The following ARHGAP6 variants were observed in gnomAD, a reference collection of about 807,000 sequenced individuals.
The protein encoded by ARHGAP6 is rho GTPase-activating protein 6.
A neutral mutation model predicts 55.7 loss-of-function variants in ARHGAP6; 16 were observed. The observed-to-expected ratio is 0.29, with a 90% CI of 0.19 to 0.44. ARHGAP6 has a LOEUF of 0.44. Among genes scored for constraint, ARHGAP6 ranks in the 20% least tolerant of loss-of-function variants. ARHGAP6 has a pLI of 1.00. For missense variants in ARHGAP6, 698 were observed against 808.9 expected (o/e 0.86, Z 1.66); for synonymous variants, 382 against 360.9 (o/e 1.06, Z -0.66).
chrX:11,281,535 G>C (rs1035893134), intron 1 of ARHGAP6, among the ~76,000 whole-genome samples: 2 of 111,053 alleles, frequency 1.8e-5, no homozygotes, highest in Non-Finnish European at 3.8e-5. Flanking sequence ...AAACTACGGG[G>C]TATCTATTCA....
At chrX:11,247,653 G>A (rs2147471980) in intron 2 of ARHGAP6, among the ~76,000 whole-genome samples, 1 of 112,185 alleles carries the variant, frequency 8.9e-6, no homozygotes, top group South Asian at 3.7e-4. Context: ...CCATGGTTCA[G>A]TTGCTAACCC....
At chrX:11,604,420 A>G (rs2052011155) in intron 1 of ARHGAP6, among the ~76,000 whole-genome samples, 1 of 111,976 alleles carries the variant, frequency 8.9e-6, no homozygotes, top group South Asian at 3.7e-4. Flanking sequence ...AAACTGCCAC[A>G]TAGTGGCTCA....
At chrX:11,604,061 T>C (rs899637054) in intron 1 of ARHGAP6, among the ~76,000 whole-genome samples, 15 of 111,452 alleles carry the variant, frequency 1.3e-4, no homozygotes, top group Non-Finnish European at 1.9e-5. Flanking sequence ...CATGCTCTAA[T>C]CACAGCAACA....
intron 10 of ARHGAP6, among the ~76,000 whole-genome samples, chrX:11,150,010 T>A (rs1361645606): frequency 8.9e-6 from 1 of 112,042 alleles, no homozygotes; most frequent in African/African-American, 3.2e-5. Context: ...TTAACCACAA[T>A]GAAATTTAAA....
intron 1 of ARHGAP6, among the ~76,000 whole-genome samples, chrX:11,383,254 C>A (rs2049284205): frequency 9.0e-6 from 1 of 111,618 alleles, no homozygotes. Flanking sequence ...GGAGAAAAAT[C>A]TGGAAACTCT....
intron 10 of ARHGAP6, chrX:11,148,762 C>A (rs770775910): frequency 1.1e-5 from 4 of 358,483 alleles, no homozygotes; most frequent in Non-Finnish European, 2.2e-5. Flanking sequence ...CCGGATGGGG[C>A]CCGCCCAGCA....
At chrX:11,291,471 AAGGCTACT>A (rs2047989816) in intron 1 of ARHGAP6, among the ~76,000 whole-genome samples, 1 of 111,517 alleles carries the variant, frequency 9.0e-6, no homozygotes, top group African/African-American at 3.3e-5. Flanking sequence ...CTAAAACTAC[AAGGCTACT>A]AGTAATTCAT....
intron 1 of ARHGAP6, among the ~76,000 whole-genome samples, chrX:11,472,094 C>G (rs1371028917): frequency 1.8e-5 from 2 of 111,503 alleles, no homozygotes; most frequent in African/African-American, 3.3e-5. Context: ...ACAAAAGCAA[C>G]AAATAAATAG....
chrX:11,286,394 C>T (rs1221456377), intron 1 of ARHGAP6, among the ~76,000 whole-genome samples: 1 of 111,236 alleles, frequency 9.0e-6, no homozygotes, highest in African/African-American at 3.3e-5. Flanking sequence ...GTGCCTCTTG[C>T]CCCTAGTCAT....
chrX:11,610,466 AATGGCAGAGCCCTGG>A, intron 1 of ARHGAP6, among the ~76,000 whole-genome samples: 1 of 111,539 alleles, frequency 9.0e-6, no homozygotes, highest in South Asian at 3.8e-4. Flanking sequence ...TCACACAGCC[AATGGCAGAGCCCTGG>A]ATTGTTATAT....
At chrX:11,654,090 G>A (rs1208611785) in intron 1 of ARHGAP6, among the ~76,000 whole-genome samples, 1 of 111,620 alleles carries the variant, frequency 9.0e-6, no homozygotes, top group Admixed American at 9.5e-5. Context: ...CCCAGTCCAG[G>A]ATTTCCCTGG....
At chrX:11,286,125 T>C (rs1488691149) in intron 1 of ARHGAP6, among the ~76,000 whole-genome samples, 1 of 112,436 alleles carries the variant, frequency 8.9e-6, no homozygotes, top group Non-Finnish European at 1.9e-5. Context: ...ATTCCAGTCC[T>C]TTATAAGGAA....
chrX:11,449,822 G>A (rs548808940), intron 1 of ARHGAP6, among the ~76,000 whole-genome samples: 1 of 111,890 alleles, frequency 8.9e-6, no homozygotes, highest in Middle Eastern at 4.6e-3. Flanking sequence ...GATCATAGGC[G>A]CCTTAGGCAA....
chrX:11,149,120 C>G (rs1403650685), intron 10 of ARHGAP6, among the ~76,000 whole-genome samples: 2 of 111,970 alleles, frequency 1.8e-5, no homozygotes, highest in African/African-American at 6.5e-5. Context: ...GAAATTTTTC[C>G]CCTCATTTTT....
At chrX:11,454,170 C>T (rs1193715445) in intron 1 of ARHGAP6, among the ~76,000 whole-genome samples, 1 of 99,903 alleles carries the variant, frequency 1.0e-5, no homozygotes, top group African/African-American at 3.7e-5. Flanking sequence ...CCGTGTTAGC[C>T]GGGATGGTCT....
At chrX:11,624,599 C>T (rs753297075) in intron 1 of ARHGAP6, among the ~76,000 whole-genome samples, 3 of 112,470 alleles carry the variant, frequency 2.7e-5, no homozygotes, top group Admixed American at 1.9e-4. Flanking sequence ...GACGGAGTCT[C>T]GCTTTGTCGC....
intron 1 of ARHGAP6, among the ~76,000 whole-genome samples, chrX:11,426,655 C>G (rs1186236634): frequency 1.8e-5 from 2 of 110,934 alleles, no homozygotes; most frequent in Admixed American, 9.5e-5. Flanking sequence ...CTCCCTGCCC[C>G]CTTCCTGGAG....
chrX:11,474,657 G>A (rs931093157), intron 1 of ARHGAP6, among the ~76,000 whole-genome samples: 3 of 111,782 alleles, frequency 2.7e-5, no homozygotes, highest in African/African-American at 9.8e-5. Flanking sequence ...CTATGGCATG[G>A]CTATGGTTTG....
chrX:11,389,789 T>A (rs894441391), intron 1 of ARHGAP6, among the ~76,000 whole-genome samples: 2 of 111,609 alleles, frequency 1.8e-5, no homozygotes, highest in South Asian at 7.6e-4. Context: ...AGAATTGCAA[T>A]GCAAATACAG....
Sources: allele counts gnomAD v4.1 joint callset (sites outside exome capture counted in the v4.1 genomes callset), GRCh38; gene constraint gnomAD v4.1.1; transcripts MANE v1.5; gene names NCBI Gene and HGNC (gene_info 2026-07-23, HGNC 2026-07-21).